Variants in GRID2 observed in about 807,000 individuals in gnomAD.
GRID2 encodes glutamate receptor ionotropic, delta-2.
Under a neutral mutation model 114.8 loss-of-function variants are expected in GRID2, and 33 were observed. The ratio of observed to expected loss-of-function variants is 0.29; its 90% CI spans 0.22 to 0.38. GRID2 has a LOEUF of 0.38. Among genes scored for constraint, GRID2 ranks in the 10% least tolerant of loss-of-function variants. The pLI is 1.00. For missense variants in GRID2, 1,184 were observed against 1,257.7 expected, an observed-to-expected ratio of 0.94 and a Z score of 0.89; for synonymous variants, 505 against 449.9, an observed-to-expected ratio of 1.12 and a Z score of -1.55.
intron 11 of GRID2, among the ~76,000 whole-genome samples, chr4:93,458,733 T>A (rs1385578911): frequency 6.6e-6 from 1 of 152,148 alleles, no homozygotes; most frequent in South Asian, 2.1e-4. Flanking sequence ...TGAATTAGAC[T>A]CAGCGGCAGA....
At chr4:92,320,630 A>G (rs1040477639) in intron 1 of GRID2, among the ~76,000 whole-genome samples, 3 of 151,962 alleles carry the variant, frequency 2.0e-5, no homozygotes, top group African/African-American at 7.2e-5. Flanking sequence ...ACACGCCACC[A>G]ACATGCCTAG....
At chr4:93,380,720 G>T (rs1028977233) in intron 8 of GRID2, among the ~76,000 whole-genome samples, 1 of 151,920 alleles carries the variant, frequency 6.6e-6, no homozygotes, top group South Asian at 2.1e-4. Context: ...CAGAGGCAAA[G>T]GCTACCATTG....
chr4:93,549,635 A>G (rs983880103), intron 13 of GRID2, among the ~76,000 whole-genome samples: 1 of 152,200 alleles, frequency 6.6e-6, no homozygotes, highest in Non-Finnish European at 1.5e-5. Context: ...TTGACTGAGG[A>G]TAAACATATC....
chr4:93,372,045 C>G (rs970326584), intron 8 of GRID2, among the ~76,000 whole-genome samples: 2 of 151,998 alleles, frequency 1.3e-5, no homozygotes, highest in Non-Finnish European at 2.9e-5. Flanking sequence ...TGCCCCTGAC[C>G]CACCACTATT....
At chr4:93,765,608 T>TTTTA (rs1553999281) in intron 14 of GRID2, among the ~76,000 whole-genome samples, 4 of 29,502 alleles carry the variant, frequency 1.4e-4, no homozygotes, top group South Asian at 1.8e-3. Flanking sequence ...AGGTGAGGTA[T>TTTTA]TATATATATA....
intron 2 of GRID2, among the ~76,000 whole-genome samples, chr4:92,594,643 A>G (rs190532820): frequency 1.0e-3 from 155 of 152,062 alleles, no homozygotes; most frequent in Admixed American, 5.0e-3. Context: ...CACAACCCAC[A>G]GTACTCATTA....
chr4:92,532,045 C>T (rs1345242357), intron 1 of GRID2, among the ~76,000 whole-genome samples: 1 of 152,048 alleles, frequency 6.6e-6, no homozygotes, highest in African/African-American at 2.4e-5. Context: ...ACACATTTTC[C>T]CTCAAATAGA....
chr4:92,824,444 T>C (rs1043502946), intron 2 of GRID2, among the ~76,000 whole-genome samples: 6 of 152,126 alleles, frequency 3.9e-5, no homozygotes, highest in African/African-American at 1.2e-4. Context: ...AAGAAAATAC[T>C]TCTGTCTTGG....
At chr4:93,029,375 AT>A (rs1724178263) in intron 2 of GRID2, among the ~76,000 whole-genome samples, 1 of 152,086 alleles carries the variant, frequency 6.6e-6, no homozygotes, top group Admixed American at 6.5e-5. Flanking sequence ...TTAATTTTGA[AT>A]TTGAAGACAT....
intron 1 of GRID2, among the ~76,000 whole-genome samples, chr4:92,528,695 T>A (rs1026545855): frequency 6.6e-6 from 1 of 151,672 alleles, no homozygotes; most frequent in Non-Finnish European, 1.5e-5. Context: ...TGAAGAAGTG[T>A]GTGGTAAAAT....
chr4:92,399,636 G>GCTCTCT (rs749067156), intron 1 of GRID2, among the ~76,000 whole-genome samples: 9 of 141,816 alleles, frequency 6.3e-5, no homozygotes, highest in East Asian at 2.1e-4. Context: ...AATAAAAGCA[G>GCTCTCT]CTCTCTCTCT....
At chr4:92,832,927 G>A (rs894138076) in intron 2 of GRID2, among the ~76,000 whole-genome samples, 3 of 152,116 alleles carry the variant, frequency 2.0e-5, no homozygotes, top group South Asian at 4.1e-4. Flanking sequence ...GAAATAAGAC[G>A]TTAATTAGGT....
rs1267414735 is a variant in GRID2, at chr4:92,670,514, G to A, written c.244+80228G>A. On this transcript the variant is annotated intron_variant, in intron 2 of 15. Transcript: ENST00000282020. ...TCATTTTTATGCTTATGAACATTAG[G>A]TAAACATTGGCTTCATGATACTACT... Among the ~76,000 whole-genome samples, 3 of 151,826 alleles carry A rather than the reference G, an allele frequency of 2.0e-5. No individual in the cohort carries two copies. In the East Asian group the frequency reaches 5.8e-4, roughly 29 times the overall value.
At chr4:93,419,612 T>C (rs1768067990) in intron 9 of GRID2, among the ~76,000 whole-genome samples, 1 of 152,050 alleles carries the variant, frequency 6.6e-6, no homozygotes, top group South Asian at 2.1e-4. Flanking sequence ...TGAAAGTTTA[T>C]TTAGGGCATA....
chr4:92,455,394 C>A (rs1181971460), intron 1 of GRID2, among the ~76,000 whole-genome samples: 1 of 152,086 alleles, frequency 6.6e-6, no homozygotes, highest in African/African-American at 2.4e-5. Context: ...AAACGACCCA[C>A]CAGAGTATCA....
At chr4:93,534,035 C>G (rs565542625) in intron 13 of GRID2, among the ~76,000 whole-genome samples, 5 of 152,178 alleles carry the variant, frequency 3.3e-5, no homozygotes. Context: ...CCACACTCCC[C>G]TTTTCACTGG....
chr4:92,844,308 A>G (rs1036877022), intron 2 of GRID2, among the ~76,000 whole-genome samples: 15 of 151,956 alleles, frequency 9.9e-5, no homozygotes, highest in African/African-American at 3.6e-4. Flanking sequence ...GGAGGCCAAG[A>G]CGGGTGGATT....
chr4:93,634,899 A>G (rs1408745678), intron 14 of GRID2, among the ~76,000 whole-genome samples: 1 of 151,776 alleles, frequency 6.6e-6, no homozygotes, highest in Non-Finnish European at 1.5e-5. Context: ...AAATGGCAAC[A>G]AACAGCCCCC....
chr4:92,344,467 T>C (rs1190982455), intron 1 of GRID2, among the ~76,000 whole-genome samples: 2 of 152,224 alleles, frequency 1.3e-5, no homozygotes, highest in African/African-American at 4.8e-5. Context: ...AGTTATCTTT[T>C]GCTGCAAAAT....
Sources: gnomAD v4.1 joint callset for allele counts (sites outside exome capture counted in the v4.1 genomes callset) on GRCh38, gnomAD v4.1.1 for gene constraint, MANE v1.5 for transcripts, NCBI Gene and HGNC (gene_info 2026-07-23, HGNC 2026-07-21) for gene names.